Variants in HPD observed in about 807,000 individuals in gnomAD.
HPD encodes 4-hydroxyphenylpyruvic acid oxidase.
A neutral mutation model predicts 56.9 loss-of-function variants in HPD; 35 were observed. The ratio of observed to expected loss-of-function variants is 0.62; its 90% CI spans 0.47 to 0.82. The LOEUF is 0.82. Ranked by LOEUF, HPD falls within the 40% of genes least tolerant of loss-of-function variation. HPD has a pLI of 0.00. For missense variants in HPD, 442 were observed against 506.8 expected (o/e 0.87, Z 1.23); for synonymous variants, 186 against 200.2 (o/e 0.93, Z 0.60).
chr12:121,852,673 C>T (rs1444544761), intron 7 of HPD, among the ~76,000 whole-genome samples: 3 of 108,820 alleles, frequency 2.8e-5, no homozygotes, highest in African/African-American at 1.1e-4. Flanking sequence ...CTTGTTCTGT[C>T]GCCCAGGCTG....
At chr12:121,845,555 C>T (rs577312182) in intron 11 of HPD, among the ~76,000 whole-genome samples, 3 of 147,902 alleles carry the variant, frequency 2.0e-5, no homozygotes, top group East Asian at 2.0e-4. Context: ...GAGCCGAGAT[C>T]GCGCCACTGC....
the HPD span, among the ~76,000 whole-genome samples, chr12:121,888,243 G>T: frequency 3.3e-5 from 5 of 152,112 alleles, no homozygotes; most frequent in East Asian, 1.9e-4. Flanking sequence ...ATGAATATTT[G>T]TTAGCAGAAG....
chr12:121,869,007 G>A, the HPD span, among the ~76,000 whole-genome samples: 1 of 152,074 alleles, frequency 6.6e-6, no homozygotes. Context: ...TCCCAGCTCA[G>A]CCTTCCAAGT....
upstream of HPD, chr12:121,858,870 T>G: frequency 1.2e-6 from 2 of 1,612,138 alleles, no homozygotes; most frequent in Non-Finnish European, 1.7e-6. Context: ...GCCTGGGGAG[T>G]GCTGGGCCGG....
intron 11 of HPD, among the ~76,000 whole-genome samples, chr12:121,845,525 C>T (rs868165663): frequency 2.0e-5 from 3 of 150,094 alleles, no homozygotes; most frequent in South Asian, 4.2e-4. Flanking sequence ...GGCGTGAACC[C>T]AGGAGGCGGA....
At chr12:121,865,191 C>T (rs533615120), upstream of HPD, among the ~76,000 whole-genome samples, 7 of 152,168 alleles carry the variant, frequency 4.6e-5, no homozygotes, top group African/African-American at 1.4e-4. Flanking sequence ...TCGCTTGAAC[C>T]TGGGAGTCGG....
chr12:121,874,489 G>A, the HPD span, among the ~76,000 whole-genome samples: 2 of 151,762 alleles, frequency 1.3e-5, no homozygotes, highest in Admixed American at 6.6e-5. Flanking sequence ...GTGGTGGCGG[G>A]CGCCTGTAAT....
chr12:121,861,881 TTC>T (rs578073522), upstream of HPD, among the ~76,000 whole-genome samples: 137 of 152,296 alleles, frequency 9.0e-4, no homozygotes, highest in African/African-American at 2.8e-3. Context: ...AATTCTAGTT[TTC>T]CAAACCTGAT....
In HPD at chr12:121,847,166, C is replaced by A. The variant is rs376172254; in HGVS notation, c.645G>T (p.Thr215=). The change falls in exon 10 of 14, where the codon ACG becomes ACT. Residue 215 remains threonine (T), a synonymous_variant. Transcript: ENST00000289004. ...QFHRFWSVDD[T]QVHTEYSSLR... ...GAGAGCTATATTCCGTGTGCACCTG[C>A]GTGTCATCCACGGACCAGAAGCGGT... 4 of 1,614,154 alleles carry A rather than the reference C, an allele frequency of 2.5e-6. No homozygotes were observed. The East Asian group carries it at 8.9e-5, about 36-fold the overall frequency.
chr12:121,856,462 T>C (rs1878001707), intron 5 of HPD, 56 bp from the exon 6 acceptor site: 1 of 1,597,992 alleles, frequency 6.3e-7, no homozygotes. Context: ...TCCCCTCACC[T>C]GGCTTTTAGT....
chr12:121,865,243 G>A (rs1423129297), upstream of HPD, among the ~76,000 whole-genome samples: 2 of 146,830 alleles, frequency 1.4e-5, no homozygotes, highest in Non-Finnish European at 3.0e-5. Flanking sequence ...ACTCTAACCT[G>A]GGCGACACAG....
At chr12:121,866,378 G>GT (rs1462365288), upstream of HPD, among the ~76,000 whole-genome samples, 4 of 110,068 alleles carry the variant, frequency 3.6e-5, no homozygotes, top group Non-Finnish European at 6.1e-5. Context: ...GATATGTTAC[G>GT]TTTAAAAAAA....
the HPD span, among the ~76,000 whole-genome samples, chr12:121,885,048 G>A: frequency 5.3e-5 from 8 of 151,832 alleles, no homozygotes; most frequent in Non-Finnish European, 8.8e-5. Flanking sequence ...CTGCCACCAC[G>A]CCCAGCTGAT....
At chr12:121,864,554 T>TAAA (rs11412457), upstream of HPD, among the ~76,000 whole-genome samples, 34 of 130,956 alleles carry the variant, frequency 2.6e-4, no homozygotes, top group South Asian at 5.0e-4. Flanking sequence ...CCCTGACTAT[T>TAAA]AAAAAAAAAA....
upstream of HPD, among the ~76,000 whole-genome samples, chr12:121,862,596 CTTTTTTTTTTTTTT>C (rs146807602): frequency 2.3e-5 from 1 of 43,068 alleles, no homozygotes; most frequent in Non-Finnish European, 3.7e-5. Context: ...CGCTCTCGGC[CTTTTTTTTTTTTTT>C]TTTTTTTTTT....
rs561328449 is a variant in HPD at position 121,856,328 on chromosome 12, A to G, written c.320T>C (p.Val107Ala). Reference protein sequence around the residue: ...AFEVEDCDYIVQKARERGAKI... With the variant: ...AFEVEDCDYIAQKARERGAKI... ...TCCACCCAGGTGCTTTCTTACCTGC[A>G]CGATGTAGTCACAATCTTCCACCTC... The change falls in exon 6 of 14, where the codon GTG (valine) becomes GCG (alanine). Residue 107 changes from valine to alanine, a missense_variant. Transcript: ENST00000289004. 26 of 1,613,602 alleles carry G rather than the reference A, an allele frequency of 1.6e-5. No homozygotes were observed. In the Middle Eastern group the frequency reaches 4.9e-4, roughly 31 times the overall value.
At chr12:121,850,105 G>A (rs1367764630) in intron 7 of HPD, among the ~76,000 whole-genome samples, 3 of 152,020 alleles carry the variant, frequency 2.0e-5, no homozygotes, top group African/African-American at 4.8e-5. Context: ...GATGAAGAAC[G>A]CAGGAGGGCA....
At chr12:121,879,248 G>T in the HPD span, among the ~76,000 whole-genome samples, 1 of 152,012 alleles carries the variant, frequency 6.6e-6, no homozygotes, top group Admixed American at 6.6e-5. Flanking sequence ...TTGCACTCCA[G>T]TCTGGGCAAC....
At chr12:121,849,852 C>T (rs1877708129) in intron 7 of HPD, 62 bp from the exon 8 acceptor site, 1 of 1,078,720 alleles carries the variant, frequency 9.3e-7, no homozygotes, top group Non-Finnish European at 1.4e-6. Context: ...GGACAGAGCA[C>T]ATTTCATAGC....
Sources: gnomAD v4.1 joint callset for allele counts (sites outside exome capture counted in the v4.1 genomes callset) on GRCh38, gnomAD v4.1.1 for gene constraint, MANE v1.5 for transcripts, NCBI Gene and HGNC (gene_info 2026-07-23, HGNC 2026-07-21) for gene names.